DLGAP2: variants seen among roughly 807,000 people sequenced by gnomAD.
The protein encoded by DLGAP2 is DLG associated protein 2, also known as disks large-associated protein 2.
In DLGAP2, 26 loss-of-function variants were observed where a neutral mutation model predicts 100.3. The ratio of observed to expected loss-of-function variants is 0.26; its 90% CI spans 0.19 to 0.36. The LOEUF is 0.36. Among genes scored for constraint, DLGAP2 ranks in the 10% least tolerant of loss-of-function variants. The pLI, the probability that DLGAP2 is intolerant of heterozygous loss-of-function variation, is 1.00. For synonymous variants in DLGAP2, 886 were observed against 630.1 expected (o/e 1.41, Z -6.08); for missense variants, 1,858 against 1,453.2 (o/e 1.28, Z -4.53).
At chr8:859,312 A>T (rs1340262587) in intron 1 of DLGAP2, among the ~76,000 whole-genome samples, 5 of 152,122 alleles carry the variant, frequency 3.3e-5, no homozygotes, top group Non-Finnish European at 5.9e-5. Context: ...GGGTTTCACC[A>T]TGTTGGCCAG....
intron 6 of DLGAP2, among the ~76,000 whole-genome samples, chr8:1,605,535 G>A (rs1382131709): frequency 2.0e-5 from 3 of 152,276 alleles, no homozygotes; most frequent in South Asian, 4.1e-4. Context: ...TTAGAAACGT[G>A]CTACATTCTT....
intron 2 of DLGAP2, among the ~76,000 whole-genome samples, chr8:1,098,045 G>T (rs1017738699): frequency 1.3e-5 from 2 of 152,260 alleles, no homozygotes; most frequent in East Asian, 3.8e-4. Flanking sequence ...ACGTTGACTG[G>T]TTTTGATCTG....
chr8:1,457,436 A>G (rs1488480393), intron 3 of DLGAP2, among the ~76,000 whole-genome samples: 2 of 152,178 alleles, frequency 1.3e-5, no homozygotes, highest in Non-Finnish European at 2.9e-5. Context: ...AATGTATTCC[A>G]GCATATTTAT....
At chr8:1,299,876 A>G (rs1004188373) in intron 3 of DLGAP2, 7 of 152,302 alleles carry the variant, frequency 4.6e-5, no homozygotes, top group African/African-American at 1.7e-4. Flanking sequence ...CTCCCACAAC[A>G]AAACACCATA....
intron 1 of DLGAP2, among the ~76,000 whole-genome samples, chr8:752,055 T>C (rs545772464): frequency 6.6e-6 from 1 of 152,374 alleles, no homozygotes; most frequent in South Asian, 2.1e-4. Flanking sequence ...AGGGCTCTGG[T>C]GTGGCCCAGG....
intron 2 of DLGAP2, among the ~76,000 whole-genome samples, chr8:1,162,733 A>G (rs1219444132): frequency 6.6e-6 from 1 of 152,250 alleles, no homozygotes; most frequent in Non-Finnish European, 1.5e-5. Flanking sequence ...GACTGGGAAG[A>G]TTCAGCCATG....
chr8:1,472,120 C>G (rs1028902118), intron 3 of DLGAP2, among the ~76,000 whole-genome samples: 1 of 152,216 alleles, frequency 6.6e-6, no homozygotes, highest in Non-Finnish European at 1.5e-5. Context: ...AAGTGCCCCT[C>G]CACAGTGAGA....
intron 2 of DLGAP2, among the ~76,000 whole-genome samples, chr8:931,123 T>G (rs539844470): frequency 1.2e-4 from 19 of 152,194 alleles, no homozygotes; most frequent in African/African-American, 4.1e-4. Flanking sequence ...GTAGGAGGTA[T>G]GTGTGAGAAA....
intron 3 of DLGAP2, among the ~76,000 whole-genome samples, chr8:1,376,535 A>G (rs910169613): frequency 5.9e-5 from 9 of 152,212 alleles, no homozygotes; most frequent in Non-Finnish European, 1.2e-4. Flanking sequence ...AGGCGCTTTC[A>G]GAAGAAGACG....
chr8:1,063,342 C>T (rs1198078784), intron 2 of DLGAP2, among the ~76,000 whole-genome samples: 2 of 152,086 alleles, frequency 1.3e-5, no homozygotes, highest in African/African-American at 2.4e-5. Flanking sequence ...CTTCTGAGTG[C>T]ACACATTTTG....
intron 6 of DLGAP2, among the ~76,000 whole-genome samples, chr8:1,601,432 C>T (rs561614315): frequency 2.0e-5 from 3 of 152,294 alleles, no homozygotes; most frequent in South Asian, 2.1e-4. Flanking sequence ...TCTTCAGAGC[C>T]GAGAGGCAGA....
chr8:1,187,615 A>C (rs1393174478), intron 2 of DLGAP2, among the ~76,000 whole-genome samples: 1 of 133,756 alleles, frequency 7.5e-6, no homozygotes, highest in Non-Finnish European at 1.6e-5. Flanking sequence ...GGAATCTCAC[A>C]CACCCAGGAC....
intron 1 of DLGAP2, among the ~76,000 whole-genome samples, chr8:768,780 A>C (rs1821280561): frequency 6.6e-6 from 1 of 152,166 alleles, no homozygotes; most frequent in Non-Finnish European, 1.5e-5. Flanking sequence ...AACACTTAAA[A>C]ATGGTGCGCT....
intron 1 of DLGAP2, chr8:891,350 G>C (rs1798031160): frequency 6.6e-6 from 1 of 152,598 alleles, no homozygotes; most frequent in Admixed American, 6.5e-5. Context: ...AGAAACAGCA[G>C]AGGCCCAAAA....
chr8:1,537,640 C>T (rs74566827), intron 4 of DLGAP2, among the ~76,000 whole-genome samples: 6,076 of 152,010 alleles, frequency 0.04, 342 homozygotes, highest in East Asian at 0.12. Context: ...CCAACATCTA[C>T]TGTGGAGCCT....
chr8:1,209,772 G>A lies in DLGAP2; in HGVS notation c.74-49079G>A, dbSNP rs143936280. 8.6e-3 allele frequency among the ~76,000 whole-genome samples: 1,304 copies of A among 152,200 alleles called. 19 individuals carry two copies. Among genetic ancestry groups the A allele is most frequent in the South Asian group, 0.054 (260 of 4,814 alleles). ...AATTAGTCATAAGTGAGCTTATTTTGCACAACTGTGATGGTCTGACTTGTC... is the reference window on the plus strand; with the variant it reads ...AATTAGTCATAAGTGAGCTTATTTTACACAACTGTGATGGTCTGACTTGTC... On this transcript the variant is annotated intron_variant, in intron 2 of 14. Coordinates refer to ENST00000637795, the MANE Select transcript of DLGAP2 (RefSeq NM_001346810.2).
chr8:1,474,357 C>G (rs1409597917), intron 3 of DLGAP2, among the ~76,000 whole-genome samples: 1 of 152,162 alleles, frequency 6.6e-6, no homozygotes, highest in Admixed American at 6.5e-5. Context: ...GTGCAAGTGT[C>G]TTTTTCATAC....
At chr8:1,654,809 G>A (rs182965572) in intron 8 of DLGAP2, among the ~76,000 whole-genome samples, 152 of 152,286 alleles carry the variant, frequency 1.0e-3, no homozygotes, top group African/African-American at 3.5e-3. Context: ...CGCCATCACT[G>A]ATGATGCATT....
chr8:1,071,223 G>A (rs1350890185), intron 2 of DLGAP2, among the ~76,000 whole-genome samples: 1 of 152,212 alleles, frequency 6.6e-6, no homozygotes, highest in African/African-American at 2.4e-5. Context: ...GATAAAAACT[G>A]TACTTCTAGA....
Sources: gnomAD v4.1 joint callset for allele counts (sites outside exome capture counted in the v4.1 genomes callset) on GRCh38, gnomAD v4.1.1 for gene constraint, MANE v1.5 for transcripts, NCBI Gene and HGNC (gene_info 2026-07-23, HGNC 2026-07-21) for gene names.